Variants in JAM3 observed in about 807,000 individuals in gnomAD.
JAM3 encodes junctional adhesion molecule C.
A neutral mutation model predicts 39.4 loss-of-function variants in JAM3; 31 were observed. That is an observed-to-expected ratio of 0.79 (90% CI 0.59 to 1.06). The LOEUF is 1.06. Ranked by LOEUF, JAM3 falls within the 50% of genes least tolerant of loss-of-function variation. The pLI is 0.00. For synonymous variants in JAM3, 182 were observed against 148.7 expected (o/e 1.22, Z -1.63); for missense variants, 455 against 391.4 (o/e 1.16, Z -1.37).
intron 1 of JAM3, among the ~76,000 whole-genome samples, chr11:134,102,369 A>C (rs1164800850): frequency 6.6e-6 from 1 of 152,210 alleles, no homozygotes; most frequent in East Asian, 1.9e-4. Flanking sequence ...TCTGTATGTC[A>C]CCATCATCGA....
At chr11:134,137,102 G>A (rs1316284788) in intron 1 of JAM3, among the ~76,000 whole-genome samples, 1 of 143,940 alleles carries the variant, frequency 6.9e-6, no homozygotes, top group Admixed American at 6.8e-5. Context: ...GACAGAGCGA[G>A]ACTCTGTCTC....
At chr11:134,118,347 ACCCT>A (rs1201883354) in intron 1 of JAM3, among the ~76,000 whole-genome samples, 1 of 151,930 alleles carries the variant, frequency 6.6e-6, no homozygotes, top group Non-Finnish European at 1.5e-5. Context: ...AAAGATGGTG[ACCCT>A]CCCTCCACCC....
intron 1 of JAM3, 96 bp from the exon 2 acceptor site, chr11:134,139,755 C>G: frequency 4.3e-6 from 4 of 921,190 alleles, no homozygotes; most frequent in Non-Finnish European, 7.3e-6. Context: ...GGTTAGTAAC[C>G]ATAGCCTACG....
chr11:134,109,369 T>C (rs900692620), intron 1 of JAM3, among the ~76,000 whole-genome samples: 5 of 152,244 alleles, frequency 3.3e-5, no homozygotes, highest in Admixed American at 3.3e-4. Flanking sequence ...TGTCTTCATA[T>C]CTTTATTTGC....
intron 1 of JAM3, among the ~76,000 whole-genome samples, chr11:134,108,293 A>T (rs931796233): frequency 4.7e-5 from 7 of 149,470 alleles, no homozygotes; most frequent in East Asian, 1.9e-4. Context: ...ATTTATAGTT[A>T]AAAAAAAAAC....
At chr11:134,111,497 G>T (rs1055818934) in intron 1 of JAM3, among the ~76,000 whole-genome samples, 1 of 152,098 alleles carries the variant, frequency 6.6e-6, no homozygotes, top group Non-Finnish European at 1.5e-5. Flanking sequence ...AAAAGAGTCA[G>T]TAAAATCCTA....
intron 1 of JAM3, 191 bp from the exon 2 acceptor site, chr11:134,139,660 C>T (rs998395758): frequency 3.2e-6 from 2 of 619,948 alleles, no homozygotes; most frequent in African/African-American, 1.8e-5. Flanking sequence ...TTGGCTCCTT[C>T]CAGTGAAGGT....
chr11:134,111,745 C>T (rs1439713874), intron 1 of JAM3, among the ~76,000 whole-genome samples: 1 of 152,126 alleles, frequency 6.6e-6, no homozygotes, highest in South Asian at 2.1e-4. Flanking sequence ...AAAAAGTTTG[C>T]TTTCATTCCA....
intron 2 of JAM3, 37 bp from the exon 3 acceptor site, chr11:134,140,620 C>G: frequency 6.5e-7 from 1 of 1,546,420 alleles, no homozygotes; most frequent in Non-Finnish European, 8.9e-7. Context: ...AAGCACTCCA[C>G]ATTCACCGAG....
At chr11:134,147,459 C>CCAA (rs1943095001) in intron 6 of JAM3, among the ~76,000 whole-genome samples, 2 of 70,874 alleles carry the variant, frequency 2.8e-5, no homozygotes, top group Admixed American at 3.1e-4. Context: ...GACTCTGTCT[C>CCAA]AAAAAAAAAA....
chr11:134,145,201 G>A, intron 5 of JAM3: 1 of 612,942 alleles, frequency 1.6e-6, no homozygotes, highest in Non-Finnish European at 2.9e-6. Flanking sequence ...GGAAGAGAAA[G>A]AAACCATAGA....
chr11:134,144,774 AC>A lies in JAM3; in HGVS notation c.410-14del. The A allele has an allele frequency of 2.0e-6, 3 of 1,514,058 alleles. No individual in the cohort carries two copies. Among genetic ancestry groups the A allele is most frequent in the South Asian group, 2.3e-5 (2 of 88,852 alleles). 93.8% of individuals were successfully genotyped at this position (1,514,058 alleles called of 1,614,324 possible). A position where few individuals can be genotyped will look rare whatever the true frequency, so the allele number is the denominator to read the frequency against. ...CCCTGTCACTGAGATCTTAAACACC[AC>A]CCCTTTTTCCCCACAGTGAAGCCAG... On this transcript the variant is annotated splice_polypyrimidine_tract_variant and intron_variant, in intron 4 of 8. Transcript: ENST00000299106.
chr11:134,094,667 A>T (rs572695173), intron 1 of JAM3, among the ~76,000 whole-genome samples: 1 of 69,616 alleles, frequency 1.4e-5, no homozygotes, highest in South Asian at 3.7e-4. Flanking sequence ...TCACTTCCTG[A>T]GGGAAGCATC....
chr11:134,120,297 C>T (rs1942508298), intron 1 of JAM3, among the ~76,000 whole-genome samples: 1 of 152,198 alleles, frequency 6.6e-6, no homozygotes, highest in Admixed American at 6.5e-5. Flanking sequence ...GACGTGAGTC[C>T]TGGTCAAGGA....
chr11:134,091,294 G>A (rs571497829), intron 1 of JAM3, among the ~76,000 whole-genome samples: 1 of 152,210 alleles, frequency 6.6e-6, no homozygotes, highest in East Asian at 1.9e-4. Context: ...AGGAGATTGA[G>A]ACCATACTGG....
At chr11:134,144,429 TAGGATGCAA>T in intron 4 of JAM3, 36 bp downstream of exon 4, 1 of 1,611,332 alleles carries the variant, frequency 6.2e-7, no homozygotes. Flanking sequence ...ATTGCCACCA[TAGGATGCAA>T]GAGATCAGTT....
chr11:134,123,522 T>C (rs1591795663), intron 1 of JAM3, among the ~76,000 whole-genome samples: 1 of 152,318 alleles, frequency 6.6e-6, no homozygotes, highest in East Asian at 1.9e-4. Context: ...TTTGAAAAAG[T>C]TTAAAAAGAC....
At chr11:134,100,711 C>G (rs1002420579) in intron 1 of JAM3, among the ~76,000 whole-genome samples, 1 of 152,122 alleles carries the variant, frequency 6.6e-6, no homozygotes, top group African/African-American at 2.4e-5. Context: ...CTTACTCTTA[C>G]AACTGGAGGA....
At chr11:134,107,381 A>G (rs1380666899) in intron 1 of JAM3, among the ~76,000 whole-genome samples, 1 of 152,184 alleles carries the variant, frequency 6.6e-6, no homozygotes, top group Non-Finnish European at 1.5e-5. Flanking sequence ...TACCTAATGT[A>G]AATGACGAGT....
Sources: gnomAD v4.1 joint callset for allele counts (sites outside exome capture counted in the v4.1 genomes callset) on GRCh38, gnomAD v4.1.1 for gene constraint, MANE v1.5 for transcripts, NCBI Gene and HGNC (gene_info 2026-07-23, HGNC 2026-07-21) for gene names.